Variants in BMAL2 observed in about 807,000 individuals in gnomAD.
The protein encoded by BMAL2 is basic helix-loop-helix ARNT like 2.
the BMAL2 span, among the ~76,000 whole-genome samples, chr12:27,378,474 A>G: frequency 0.019 from 2,931 of 152,334 alleles, 90 homozygotes; most frequent in African/African-American, 0.067. Flanking sequence ...AGCCTGGTAA[A>G]GAGCAAGGCA....
chr12:27,380,325 T>TG, the BMAL2 span: 1 of 1,614,224 alleles, frequency 6.2e-7, no homozygotes, highest in Non-Finnish European at 8.5e-7. Context: ...CAATGATCCC[T>TG]CAGTGCAACC....
chr12:27,388,777 T>C, the BMAL2 span, among the ~76,000 whole-genome samples: 2,796 of 152,298 alleles, frequency 0.018, 39 homozygotes, highest in Non-Finnish European at 0.03. Context: ...TTTTTTAAAC[T>C]GTATGGTAAA....
chr12:27,366,867 G>A, the BMAL2 span, among the ~76,000 whole-genome samples: 1 of 152,176 alleles, frequency 6.6e-6, no homozygotes, highest in Non-Finnish European at 1.5e-5. Context: ...ATCCATTAGA[G>A]TCATTTATAA....
At chr12:27,395,090 T>A in the BMAL2 span, among the ~76,000 whole-genome samples, 1 of 152,256 alleles carries the variant, frequency 6.6e-6, no homozygotes, top group Non-Finnish European at 1.5e-5. Flanking sequence ...CATCATTTTC[T>A]ATACCGTAGT....
the BMAL2 span, among the ~76,000 whole-genome samples, chr12:27,348,616 T>A: frequency 6.6e-6 from 1 of 152,192 alleles, no homozygotes; most frequent in Non-Finnish European, 1.5e-5. Flanking sequence ...CCTTATACTT[T>A]TTATGGTTTT....
At chr12:27,409,808 A>T in the BMAL2 span, among the ~76,000 whole-genome samples, 2 of 152,162 alleles carry the variant, frequency 1.3e-5, no homozygotes, top group Non-Finnish European at 2.9e-5. Flanking sequence ...TGAACAGGCA[A>T]CCTACAGAAT....
At chr12:27,387,261 G>A in the BMAL2 span, 1 of 1,612,452 alleles carries the variant, frequency 6.2e-7, no homozygotes, top group Non-Finnish European at 8.5e-7. Flanking sequence ...GGTTGGATGT[G>A]AAAGAGGAAA....
the BMAL2 span, among the ~76,000 whole-genome samples, chr12:27,406,545 G>A: frequency 6.6e-6 from 1 of 152,186 alleles, no homozygotes. Flanking sequence ...AGCAAATGCT[G>A]AGAAATTTTG....
At chr12:27,381,885 T>C in the BMAL2 span, among the ~76,000 whole-genome samples, 1 of 152,086 alleles carries the variant, frequency 6.6e-6, no homozygotes, top group African/African-American at 2.4e-5. Flanking sequence ...GGCTCAAAAA[T>C]CATAAAAAGG....
the BMAL2 span, among the ~76,000 whole-genome samples, chr12:27,383,261 T>C: frequency 6.6e-6 from 1 of 152,068 alleles, no homozygotes; most frequent in African/African-American, 2.4e-5. Context: ...TTGTTAAGAG[T>C]AAAGAGTAAT....
At chr12:27,350,994 C>CCCCTTTTT in the BMAL2 span, among the ~76,000 whole-genome samples, 1 of 94,276 alleles carries the variant, frequency 1.1e-5, no homozygotes. Flanking sequence ...CCCACCCCCC[C>CCCCTTTTT]TTTTTTTTTT....
the BMAL2 span, chr12:27,418,325 G>A: frequency 1.7e-6 from 1 of 599,018 alleles, no homozygotes; most frequent in Non-Finnish European, 2.9e-6. Context: ...TTTCAGTTGA[G>A]CACATTGGCT....
chr12:27,360,178 A>T, the BMAL2 span, among the ~76,000 whole-genome samples: 12 of 152,134 alleles, frequency 7.9e-5, no homozygotes, highest in Admixed American at 2.6e-4. Context: ...AAATTTAGTC[A>T]TGAGGGAATA....
chr12:27,390,403 A>G, the BMAL2 span: 1 of 716,152 alleles, frequency 1.4e-6, no homozygotes, highest in East Asian at 2.9e-5. Context: ...ACATTTGTTC[A>G]TCACATCTTT....
chr12:27,395,958 A>G, the BMAL2 span, among the ~76,000 whole-genome samples: 1 of 152,192 alleles, frequency 6.6e-6, no homozygotes, highest in South Asian at 2.1e-4. Flanking sequence ...GACCTTAGGC[A>G]AGTTTCTCTT....
chr12:27,403,999 C>CAAA, the BMAL2 span, among the ~76,000 whole-genome samples: 1 of 130,062 alleles, frequency 7.7e-6, no homozygotes, highest in South Asian at 2.4e-4. Context: ...CTCATCTCTA[C>CAAA]AAAAAAAAAA....
the BMAL2 span, among the ~76,000 whole-genome samples, chr12:27,351,551 T>C: frequency 6.6e-6 from 1 of 152,104 alleles, no homozygotes; most frequent in Non-Finnish European, 1.5e-5. Context: ...ATTGAGCTCA[T>C]ACAGTCTCAG....
chr12:27,362,383 T>A, the BMAL2 span, among the ~76,000 whole-genome samples: 1 of 152,158 alleles, frequency 6.6e-6, no homozygotes, highest in African/African-American at 2.4e-5. Flanking sequence ...GAAACTTAAT[T>A]CCAAAGTGCC....
the BMAL2 span, among the ~76,000 whole-genome samples, chr12:27,355,838 G>C: frequency 6.6e-6 from 1 of 152,186 alleles, no homozygotes; most frequent in Non-Finnish European, 1.5e-5. Flanking sequence ...TGGAGCCTGA[G>C]ACAGTTATGC....
Sources: gnomAD v4.1 joint callset for allele counts (sites outside exome capture counted in the v4.1 genomes callset) on GRCh38, gnomAD v4.1.1 for gene constraint, MANE v1.5 for transcripts, NCBI Gene and HGNC (gene_info 2026-07-23, HGNC 2026-07-21) for gene names.